Variants in SYT17 observed in about 807,000 individuals in gnomAD.
SYT17 encodes synaptotagmin 17.
In SYT17, 22 loss-of-function variants were observed where a neutral mutation model predicts 46.7. That is an observed-to-expected ratio of 0.47 (90% CI 0.34 to 0.67). The LOEUF is 0.67. SYT17 is among the 30% of genes least tolerant of loss of function. The pLI, the probability that SYT17 is intolerant of heterozygous loss-of-function variation, is 0.01. For synonymous variants in SYT17, 251 were observed against 248.4 expected (o/e 1.01, Z -0.10); for missense variants, 519 against 612.8 (o/e 0.85, Z 1.62).
intron 5 of SYT17, among the ~76,000 whole-genome samples, chr16:19,203,336 C>A (rs1249665736): frequency 1.4e-4 from 20 of 145,660 alleles, no homozygotes; most frequent in African/African-American, 2.3e-4. Flanking sequence ...ACTAACAATA[C>A]AAAAAAAAAA....
chr16:19,186,235 G>C (rs1375613314), intron 5 of SYT17, among the ~76,000 whole-genome samples: 1 of 152,088 alleles, frequency 6.6e-6, no homozygotes, highest in African/African-American at 2.4e-5. Context: ...CCAGCACTTT[G>C]GGAGGTTGAG....
intron 7 of SYT17, among the ~76,000 whole-genome samples, chr16:19,235,362 G>T (rs981592902): frequency 6.6e-6 from 1 of 152,148 alleles, no homozygotes; most frequent in African/African-American, 2.4e-5. Context: ...AAATAGCATT[G>T]CAAGGCCTTT....
At chr16:19,241,017 G>A (rs1341905644) in intron 7 of SYT17, among the ~76,000 whole-genome samples, 5 of 143,630 alleles carry the variant, frequency 3.5e-5, no homozygotes, top group South Asian at 2.2e-4. Flanking sequence ...GCGGGATCTC[G>A]GCTCACTGCA....
intron 5 of SYT17, among the ~76,000 whole-genome samples, chr16:19,199,429 C>T (rs1409013142): frequency 6.6e-6 from 1 of 152,120 alleles, no homozygotes; most frequent in African/African-American, 2.4e-5. Flanking sequence ...CTTTGAAAAA[C>T]AGTCATGGCC....
chr16:19,239,741 T>G (rs1332504415), intron 7 of SYT17, among the ~76,000 whole-genome samples: 1 of 152,130 alleles, frequency 6.6e-6, no homozygotes, highest in Admixed American at 6.5e-5. Context: ...TTTGTCTGAG[T>G]TTTGCCTGGA....
rs539379175 is a variant in SYT17, at chr16:19,248,820, TCAA to T, written c.1229-18044_1229-18042del. ...CTGGGTGACAGAGCAAGACTCTGTCTCAACAACAACAACAACAAAAAGAATATT... is the reference window on the plus strand; with the variant it reads ...CTGGGTGACAGAGCAAGACTCTGTCTCAACAACAACAACAAAAAGAATATT... On this transcript the variant is annotated intron_variant, in intron 7 of 7. Coordinates refer to ENST00000355377, the MANE Select transcript of SYT17 (RefSeq NM_016524.4). 1.7e-3 allele frequency among the ~76,000 whole-genome samples: 264 copies of T among 151,734 alleles called. 1 individual carries two copies. The highest frequency in any genetic ancestry group is 6.1e-3 in the African/African-American group (254 of 41,372).
chr16:19,168,821 G>T lies in SYT17; in HGVS notation c.15+160G>T, dbSNP rs1210096510. Among the ~76,000 whole-genome samples the T allele has an allele frequency of 6.6e-6, 1 of 151,968 alleles. No individual in the cohort carries two copies. The highest frequency in any genetic ancestry group is 1.5e-5 in the Non-Finnish European group (1 of 67,954). On this transcript the variant is annotated intron_variant, in intron 1 of 7. Transcript: ENST00000355377. The surrounding 1 kb of genome is among the most constrained non-coding windows in gnomAD (Gnocchi z 6.9). ...GCGGGCAACCTGTGCAGCAACAGGG[G>T]TGCGCCCCGGGAGGAGAGACTGGGG... is the stretch of plus-strand genomic sequence containing the variant.
chr16:19,199,205 C>A (rs539207060), intron 5 of SYT17, among the ~76,000 whole-genome samples: 28 of 152,240 alleles, frequency 1.8e-4, no homozygotes, highest in South Asian at 4.2e-4. Flanking sequence ...TGTCCTGTTT[C>A]CTGACACTGT....
chr16:19,168,627 G>T lies in SYT17; in HGVS notation c.-20G>T. Reference sequence around the variant, plus strand: ...GTGGCGGCGCCATGCCCGGGCCGGAGTGAGTGCGCGCGGGCGAAAATGGCG... The same window carrying T: ...GTGGCGGCGCCATGCCCGGGCCGGATTGAGTGCGCGCGGGCGAAAATGGCG... On this transcript the variant is annotated 5_prime_UTR_variant, in exon 1 of 8. Coordinates refer to ENST00000355377, the MANE Select transcript of SYT17 (RefSeq NM_016524.4). This position sits in a 1 kb window ranked among gnomAD's most constrained non-coding sequence, Gnocchi z 6.9. 9.7e-6 allele frequency: 15 copies of T among 1,540,734 alleles called. No homozygotes were observed. Among genetic ancestry groups the T allele is most frequent in the Non-Finnish European group, 1.3e-5 (15 of 1,141,784 alleles).
At chr16:19,181,969 A>G (rs1811774069) in intron 4 of SYT17, among the ~76,000 whole-genome samples, 1 of 148,872 alleles carries the variant, frequency 6.7e-6, no homozygotes, top group African/African-American at 2.5e-5. Context: ...ACTACACTCC[A>G]GCTCAGGCAA....
chr16:19,167,937 G>C (rs1015228207), upstream of SYT17: 1 of 152,394 alleles, frequency 6.6e-6, no homozygotes, highest in African/African-American at 2.4e-5. Context: ...GACGCCCTAC[G>C]CCCACCTTAA....
rs369746987 is a variant in SYT17 at position 19,184,000 on chromosome 16, G to A, written c.804G>A (p.Glu268=). ...ACACCTTCGAGATCCCCTTCCTGGA[G>A]GCCCAGAGGAGGACCCTGCTCCTGA... ...ERYTFEIPFL[E]AQRRTLLLTV... is the part of the protein sequence containing the mutation. The change falls in exon 5 of 8, where the codon GAG becomes GAA. Residue 268 remains glutamate, a synonymous_variant. Transcript: ENST00000355377. The surrounding 1 kb of genome is among the most constrained non-coding windows in gnomAD (Gnocchi z 5.6). 2.2e-5 allele frequency: 35 copies of A among 1,614,018 alleles called. No individual in the cohort carries two copies. The highest frequency in any genetic ancestry group is 2.8e-5 in the Non-Finnish European group (33 of 1,180,036).
intron 7 of SYT17, among the ~76,000 whole-genome samples, chr16:19,264,634 C>T (rs1479824271): frequency 6.6e-6 from 1 of 150,996 alleles, no homozygotes; most frequent in Non-Finnish European, 1.5e-5. Context: ...CACTTTGCTA[C>T]CCAGGCTAGA....
intron 5 of SYT17, among the ~76,000 whole-genome samples, chr16:19,185,339 C>T (rs1964742092): frequency 6.6e-6 from 1 of 152,262 alleles, no homozygotes; most frequent in South Asian, 2.1e-4. Context: ...GTAATCCCAG[C>T]ACTTTGGGAG....
chr16:19,259,170 C>T (rs939397537), intron 7 of SYT17, among the ~76,000 whole-genome samples: 4 of 152,054 alleles, frequency 2.6e-5, no homozygotes, highest in Non-Finnish European at 5.9e-5. Context: ...GGAGATTAAG[C>T]GAAATCAGAA....
At chr16:19,213,366 AG>A (rs1271958462) in intron 5 of SYT17, among the ~76,000 whole-genome samples, 1 of 152,204 alleles carries the variant, frequency 6.6e-6, no homozygotes, top group African/African-American at 2.4e-5. Flanking sequence ...TTACACTGGC[AG>A]GAAGGACAGT....
At chr16:19,261,229 T>G (rs904836516) in intron 7 of SYT17, among the ~76,000 whole-genome samples, 1 of 152,268 alleles carries the variant, frequency 6.6e-6, no homozygotes, top group East Asian at 1.9e-4. Flanking sequence ...CAGGCAACTT[T>G]CTAATAGAAG....
intron 1 of SYT17, 33 bp from the exon 2 acceptor site, chr16:19,172,727 C>T: frequency 1.2e-6 from 2 of 1,613,576 alleles, no homozygotes; most frequent in Non-Finnish European, 1.7e-6. Flanking sequence ...TTCCCTTACG[C>T]CCTTGGCTTC....
rs11641594 is a variant in SYT17 at position 19,183,688 on chromosome 16, C to T, written c.492C>T (p.Leu164=). 10,153 of 1,614,198 alleles carry T rather than the reference C, an allele frequency of 6.3e-3. 56 individuals are homozygous for T. The highest frequency in any genetic ancestry group is 7.5e-3 in the South Asian group (680 of 91,084). Residue 164 remains leucine (L), a synonymous_variant, in exon 5 of 8, where the codon CTC becomes CTT. Coordinates refer to ENST00000355377, the MANE Select transcript of SYT17 (RefSeq NM_016524.4). The surrounding 1 kb of genome is among the most constrained non-coding windows in gnomAD (Gnocchi z 5.6). ...AGTTCGAACCCCACCTGTACTCCCT[C>T]GACTCCAACAGCGACGATGTGGACT... ...FRKFEPHLYS[L]DSNSDDVDSL... is the part of the protein sequence containing the mutation.
Sources: gnomAD v4.1 joint callset for allele counts (sites outside exome capture counted in the v4.1 genomes callset) on GRCh38, gnomAD v4.1.1 for gene constraint, Gnocchi (gnomAD v3.1) non-coding constraint, MANE v1.5 for transcripts, NCBI Gene and HGNC (gene_info 2026-07-23, HGNC 2026-07-21) for gene names.